NREP: variants seen among roughly 807,000 people sequenced by gnomAD.
NREP encodes neuronal regeneration-related protein.
In NREP, 5 loss-of-function variants were observed where a neutral mutation model predicts 8.6. That is an observed-to-expected ratio of 0.58 (90% CI 0.30 to 1.22). The LOEUF is 1.22. Among genes scored for constraint, NREP ranks in the 50% most tolerant of loss-of-function variants. The pLI is 0.07. For synonymous variants in NREP, 27 were observed against 28.0 expected, an observed-to-expected ratio of 0.96 and a Z score of 0.11; for missense variants, 86 against 82.5, an observed-to-expected ratio of 1.04 and a Z score of -0.17.
At chr5:111,959,966 A>G (rs1734048085) in intron 2 of NREP, among the ~76,000 whole-genome samples, 1 of 152,148 alleles carries the variant, frequency 6.6e-6, no homozygotes, top group Admixed American at 6.5e-5. Context: ...AGGTGGGAAA[A>G]TACCAAAATA....
At chr5:111,866,867 C>T (rs1389098233) in intron 2 of NREP, among the ~76,000 whole-genome samples, 18 of 151,838 alleles carry the variant, frequency 1.2e-4, no homozygotes, top group African/African-American at 3.9e-4. Flanking sequence ...AAGCTGGAAA[C>T]CATCATTCTC....
intron 2 of NREP, among the ~76,000 whole-genome samples, chr5:111,964,873 A>AAAAAG (rs1561372221): frequency 1.0e-3 from 107 of 104,020 alleles, no homozygotes; most frequent in African/African-American, 5.2e-3. Flanking sequence ...AAAAAAAAAA[A>AAAAAG]AAAAAAAAAA....
chr5:111,802,786 T>C (rs1395147456), intron 2 of NREP, among the ~76,000 whole-genome samples: 1 of 152,226 alleles, frequency 6.6e-6, no homozygotes, highest in African/African-American at 2.4e-5. Context: ...AATAATCATT[T>C]CATAACTTTT....
intron 2 of NREP, among the ~76,000 whole-genome samples, chr5:111,793,135 C>T (rs73223673): frequency 0.056 from 8,516 of 152,140 alleles, 764 homozygotes; most frequent in African/African-American, 0.19. Context: ...ATTTCCCAAC[C>T]GTATTGCCTT....
At chr5:111,852,817 G>A (rs544091987) in intron 2 of NREP, among the ~76,000 whole-genome samples, 4 of 152,290 alleles carry the variant, frequency 2.6e-5, no homozygotes, top group Non-Finnish European at 5.9e-5. Flanking sequence ...GGACTCTGGA[G>A]CCAGATCACT....
upstream of NREP, among the ~76,000 whole-genome samples, chr5:111,760,330 C>G (rs1561655748): frequency 6.6e-6 from 1 of 152,196 alleles, no homozygotes; most frequent in East Asian, 1.9e-4. Context: ...TCAGATCCAT[C>G]TCCTGAGGTG....
At chr5:111,731,384 G>T (rs1305583865) in intron 3 of NREP, among the ~76,000 whole-genome samples, 1 of 146,178 alleles carries the variant, frequency 6.8e-6, no homozygotes, top group Non-Finnish European at 1.5e-5. Flanking sequence ...CCCAACCTTA[G>T]ACTGGGTGAT....
chr5:111,870,632 C>T (rs573247085), intron 2 of NREP, among the ~76,000 whole-genome samples: 1 of 152,264 alleles, frequency 6.6e-6, no homozygotes, highest in Non-Finnish European at 1.5e-5. Flanking sequence ...ATGTCCTAAC[C>T]TCCAGCACCT....
At chr5:111,843,743 TG>T (rs1753089626) in intron 2 of NREP, among the ~76,000 whole-genome samples, 1 of 152,114 alleles carries the variant, frequency 6.6e-6, no homozygotes. Flanking sequence ...TTAGAGATTC[TG>T]GAAGTGTTGG....
chr5:111,729,155 A>G (rs1377964962), downstream of NREP: 1 of 152,196 alleles, frequency 6.6e-6, no homozygotes, highest in African/African-American at 2.4e-5. Flanking sequence ...GGGAAAACGC[A>G]TGAAAGGCAG....
At chr5:111,867,841 A>G (rs1216032982) in intron 2 of NREP, among the ~76,000 whole-genome samples, 1 of 152,126 alleles carries the variant, frequency 6.6e-6, no homozygotes, top group Non-Finnish European at 1.5e-5. Flanking sequence ...AAATTTATAT[A>G]ACAAAAATTA....
chr5:111,947,821 G>A (rs1364603598), intron 2 of NREP, among the ~76,000 whole-genome samples: 3 of 151,968 alleles, frequency 2.0e-5, no homozygotes. Context: ...GCATATTTTA[G>A]TTATCTTGTA....
chr5:111,738,469 T>A (rs551983733), intron 2 of NREP: 1 of 152,316 alleles, frequency 6.6e-6, no homozygotes, highest in South Asian at 2.1e-4. Flanking sequence ...CGGAACATGT[T>A]CTAGTCTACT....
chr5:111,910,303 A>T (rs1475244329), intron 2 of NREP, among the ~76,000 whole-genome samples: 4 of 152,018 alleles, frequency 2.6e-5, no homozygotes, highest in Non-Finnish European at 5.9e-5. Context: ...CAGATTGAAC[A>T]AAGAACTTAT....
chr5:111,962,705 C>T (rs1232227013), intron 2 of NREP, among the ~76,000 whole-genome samples: 1 of 152,168 alleles, frequency 6.6e-6, no homozygotes, highest in African/African-American at 2.4e-5. Flanking sequence ...CGCCCTGCCC[C>T]ATCCCCCATT....
intron 2 of NREP, among the ~76,000 whole-genome samples, chr5:111,917,016 A>T (rs1344027696): frequency 1.3e-5 from 2 of 152,080 alleles, no homozygotes; most frequent in Non-Finnish European, 2.9e-5. Context: ...TGGAGATCCA[A>T]TGTGGCATTT....
chr5:111,917,886 A>G (rs1238804678), intron 2 of NREP, among the ~76,000 whole-genome samples: 2 of 152,104 alleles, frequency 1.3e-5, no homozygotes, highest in Non-Finnish European at 2.9e-5. Flanking sequence ...AAGAAATAAA[A>G]GGTATTCAGT....
At chr5:111,926,941 C>T (rs1258812283) in intron 2 of NREP, among the ~76,000 whole-genome samples, 8 of 151,652 alleles carry the variant, frequency 5.3e-5, no homozygotes, top group Non-Finnish European at 8.9e-5. Flanking sequence ...GGAATAGTCA[C>T]GTTCACCTGT....
chr5:111,878,413 C>G (rs926866327), intron 2 of NREP, among the ~76,000 whole-genome samples: 11 of 152,026 alleles, frequency 7.2e-5, no homozygotes, highest in African/African-American at 2.4e-4. Context: ...AATGGTCAGG[C>G]ACTTATAAAA....
Sources: allele counts gnomAD v4.1 joint callset (sites outside exome capture counted in the v4.1 genomes callset), GRCh38; gene constraint gnomAD v4.1.1; transcripts MANE v1.5; gene names NCBI Gene and HGNC (gene_info 2026-07-23, HGNC 2026-07-21).